TMEM163: variants seen among roughly 807,000 people sequenced by gnomAD.
TMEM163 encodes transmembrane protein 163.
In TMEM163, 17 loss-of-function variants were observed where a neutral mutation model predicts 29.3. That is an observed-to-expected ratio of 0.58 (90% confidence interval 0.40 to 0.87). The LOEUF is 0.87. Among genes scored for constraint, TMEM163 ranks in the 40% least tolerant of loss-of-function variants. The pLI is 0.00. For synonymous variants in TMEM163, 157 were observed against 160.6 expected (o/e 0.98, Z 0.17); for missense variants, 303 against 381.5 (o/e 0.79, Z 1.71).
chr2:134,539,366 A>C (rs1346718058), intron 4 of TMEM163, among the ~76,000 whole-genome samples: 1 of 152,214 alleles, frequency 6.6e-6, no homozygotes, highest in Non-Finnish European at 1.5e-5. Flanking sequence ...GGAAGGCGAC[A>C]TGCACTGTGG....
intron 4 of TMEM163, among the ~76,000 whole-genome samples, chr2:134,538,175 G>A (rs1389435954): frequency 6.6e-6 from 1 of 152,136 alleles, no homozygotes; most frequent in Non-Finnish European, 1.5e-5. Flanking sequence ...GGACCTTTGG[G>A]AGGTGACTAG....
At chr2:134,552,223 T>C (rs150179897) in intron 2 of TMEM163, 132 bp from the exon 3 acceptor site, 12 of 626,066 alleles carry the variant, frequency 1.9e-5, no homozygotes, top group Non-Finnish European at 1.3e-5. Context: ...TTAACTGTAC[T>C]TGTAAAATCT....
At chr2:134,701,916 C>CAAAAAAAA (rs71301801) in intron 2 of TMEM163, among the ~76,000 whole-genome samples, 4 of 66,556 alleles carry the variant, frequency 6.0e-5, no homozygotes, top group Admixed American at 1.6e-4. Context: ...AAAACTGTCT[C>CAAAAAAAA]AAAAAAAAAA....
intron 6 of TMEM163, among the ~76,000 whole-genome samples, chr2:134,459,563 A>G (rs967357588): frequency 2.0e-5 from 3 of 148,622 alleles, no homozygotes; most frequent in Admixed American, 1.3e-4. Flanking sequence ...CGCCTCCCCC[A>G]TCTGCTACTG....
rs1424819031 is a variant in TMEM163 at position 134,525,471 on chromosome 2, C to A, written c.459-22474G>T. Among the ~76,000 whole-genome samples the A allele has an allele frequency of 2.6e-5, 4 of 152,194 alleles. No homozygotes were observed. In the East Asian group the frequency reaches 5.8e-4, roughly 22 times the overall value. ...CACAATCGCCTCTAGATTAAAGAAGCCCCCATTTTGCAGGAATTCAACTAC... is the reference window on the plus strand; with the variant it reads ...CACAATCGCCTCTAGATTAAAGAAGACCCCATTTTGCAGGAATTCAACTAC... On this transcript the variant is annotated intron_variant, in intron 4 of 7. Transcript: ENST00000281924.
rs1331503993 is a variant in TMEM163 at position 134,655,523 on chromosome 2, C to T, written c.322+57677G>A. 2.1e-3 allele frequency among the ~76,000 whole-genome samples: 292 copies of T among 138,818 alleles called. 19 individuals carry two copies. The highest frequency in any genetic ancestry group is 3.8e-3 in the Admixed American group (54 of 14,148). The allele number at this position is 138,818 out of a possible 152,430, so 91.1% of individuals were successfully genotyped here. On this transcript the variant is annotated intron_variant, in intron 2 of 7. Transcript: ENST00000281924. ...CTCCCGTAGCTCAGAGTAATTTGAT[C>T]GTCTGAAGCCTTCTTCTCTCAGCTT...
chr2:134,458,091 C>T lies in TMEM163; in HGVS notation c.750G>A (p.Trp250Ter), dbSNP rs762543984. 3 of 1,614,204 alleles carry T rather than the reference C, an allele frequency of 1.9e-6. No individual in the cohort carries two copies. Among genetic ancestry groups the T allele is most frequent in the Non-Finnish European group, 1.7e-6 (2 of 1,180,040 alleles). Reference sequence around the variant, plus strand: ...GAACGCCTATGCTGCCGTCCAGGTACCAGACCGCCGAGTCATGCTTGAACA... The same window carrying T: ...GAACGCCTATGCTGCCGTCCAGGTATCAGACCGCCGAGTCATGCTTGAACA... ...AEVFKHDSAV[W>*]YLDGSIGVLI... Residue 250 changes from tryptophan to a stop codon, truncating the protein, a stop_gained, in exon 7 of 8, where the codon TGG (tryptophan) becomes TGA (stop). Coordinates refer to ENST00000281924, the MANE Select transcript of TMEM163 (RefSeq NM_030923.5). LOFTEE classifies it high-confidence loss of function.
At chr2:134,483,066 A>T (rs550051474) in intron 5 of TMEM163, among the ~76,000 whole-genome samples, 2 of 152,282 alleles carry the variant, frequency 1.3e-5, no homozygotes, top group South Asian at 4.2e-4. Context: ...GTAAGGCAGC[A>T]GCGGCCGAGG....
chr2:134,681,326 G>C lies in TMEM163; in HGVS notation c.322+31874C>G, dbSNP rs1684228403. On this transcript the variant is annotated intron_variant, in intron 2 of 7. Transcript: ENST00000281924. Reference sequence around the variant, plus strand: ...TCTCAGTTCCATGCCGGGAAGGCTGGCTATGCATTACCTGCCTCCTACCCT... The same window carrying C: ...TCTCAGTTCCATGCCGGGAAGGCTGCCTATGCATTACCTGCCTCCTACCCT... Among the ~76,000 whole-genome samples the C allele has an allele frequency of 2.0e-5, 3 of 152,242 alleles. No homozygotes were observed. The South Asian group carries it at 6.2e-4, about 32-fold the overall frequency.
chr2:134,517,625 G>A (rs1270285754), intron 4 of TMEM163, among the ~76,000 whole-genome samples: 13 of 152,076 alleles, frequency 8.5e-5, no homozygotes, highest in Admixed American at 7.9e-4. Context: ...AGGAGTTCTT[G>A]TCATTAACTT....
intron 2 of TMEM163, among the ~76,000 whole-genome samples, chr2:134,637,902 T>C (rs918540903): frequency 6.6e-6 from 1 of 152,226 alleles, no homozygotes; most frequent in African/African-American, 2.4e-5. Flanking sequence ...ACTCAGCTCT[T>C]GCTTATATCA....
chr2:134,539,618 T>C (rs1438729178), intron 4 of TMEM163, among the ~76,000 whole-genome samples: 1 of 152,218 alleles, frequency 6.6e-6, no homozygotes, highest in Non-Finnish European at 1.5e-5. Context: ...TTAAAAAGTC[T>C]AAGGAGAAAG....
intron 3 of TMEM163, 76 bp from the exon 4 acceptor site, chr2:134,550,737 G>T: frequency 7.2e-7 from 1 of 1,381,516 alleles, no homozygotes; most frequent in Non-Finnish European, 1.0e-6. Flanking sequence ...GGACAACTGT[G>T]CTGTGACTCA....
rs922490313 is a variant in TMEM163, at chr2:134,458,510, A to G, written c.668-337T>C. 15 of 311,102 alleles carry G rather than the reference A, an allele frequency of 4.8e-5. No individual in the cohort carries two copies. The Admixed American group carries it at 5.4e-4, about 11-fold the overall frequency. The allele number at this position is 311,102 out of a possible 1,614,324, so 19.3% of individuals were successfully genotyped here. The stretch of plus-strand genomic sequence containing the variant: ...GGGTGTGGTTTTCTGTTGAGTCCAC[A>G]GTCCCCAGGACAGTTCCAGGCTCAC... On this transcript the variant is annotated intron_variant, in intron 6 of 7. Coordinates refer to ENST00000281924, the MANE Select transcript of TMEM163 (RefSeq NM_030923.5).
chr2:134,655,239 G>A lies in TMEM163; in HGVS notation c.322+57961C>T, dbSNP rs1683571934. 2.1e-5 allele frequency among the ~76,000 whole-genome samples: 3 copies of A among 139,864 alleles called. 1 individual carries two copies. The highest frequency in any genetic ancestry group is 9.1e-5 in the African/African-American group (3 of 33,148). The allele number at this position is 139,864 out of a possible 152,430, so 91.8% of individuals were successfully genotyped here. A position where few individuals can be genotyped will look rare whatever the true frequency, so the allele number is the denominator to read the frequency against. ...TAGTCCCATATTTCTTGGAGGCTTT[G>A]CTCATTTCTGTTTATTCTTTTTTCT... On this transcript the variant is annotated intron_variant, in intron 2 of 7. Transcript: ENST00000281924.
intron 2 of TMEM163, among the ~76,000 whole-genome samples, chr2:134,618,161 C>T (rs1278498464): frequency 6.6e-6 from 1 of 151,808 alleles, no homozygotes; most frequent in Non-Finnish European, 1.5e-5. Context: ...ATGCTATCTA[C>T]CAGAGACACA....
chr2:134,458,359 A>G (rs1686449256), intron 6 of TMEM163, 186 bp from the exon 7 acceptor site: 2 of 633,708 alleles, frequency 3.2e-6, no homozygotes, highest in Non-Finnish European at 2.7e-6. Flanking sequence ...GATACCTCCC[A>G]GAATAGAGCC....
chr2:134,669,198 C>T (rs1301099203), intron 2 of TMEM163, among the ~76,000 whole-genome samples: 6 of 152,230 alleles, frequency 3.9e-5, no homozygotes, highest in South Asian at 2.1e-4. Flanking sequence ...ACAGCAAATA[C>T]GAACCCTCTT....
At chr2:134,700,946 A>ATAAATAAATAAATAAT (rs1224932291) in intron 2 of TMEM163, among the ~76,000 whole-genome samples, 12 of 149,790 alleles carry the variant, frequency 8.0e-5, no homozygotes, top group African/African-American at 2.9e-4. Flanking sequence ...AAATAAATAA[A>ATAAATAAATAAATAAT]TAAAGTAAAA....
Sources: allele counts gnomAD v4.1 joint callset (sites outside exome capture counted in the v4.1 genomes callset), GRCh38; gene constraint gnomAD v4.1.1; transcripts MANE v1.5; gene names NCBI Gene and HGNC (gene_info 2026-07-23, HGNC 2026-07-21).